The following ARHGAP15 variants were observed in gnomAD, a reference collection of about 807,000 sequenced individuals.
ARHGAP15 encodes the protein rho GTPase-activating protein 15.
A neutral mutation model predicts 63.7 loss-of-function variants in ARHGAP15; 51 were observed. The ratio of observed to expected loss-of-function variants is 0.80; its 90% CI spans 0.64 to 1.01. The LOEUF is 1.01. Among genes scored for constraint, ARHGAP15 ranks in the 50% least tolerant of loss-of-function variants. The probability of loss-of-function intolerance (pLI) is 0.00; values close to 1 mark genes in which losing one functional copy is unlikely to be tolerated. For synonymous variants in ARHGAP15, 191 were observed against 193.8 expected (o/e 0.99, Z 0.12); for missense variants, 560 against 564.6 (o/e 0.99, Z 0.08).
At chr2:143,274,179 C>G (rs758131242) in intron 6 of ARHGAP15, among the ~76,000 whole-genome samples, 5 of 152,102 alleles carry the variant, frequency 3.3e-5, no homozygotes, top group Non-Finnish European at 1.5e-5. Flanking sequence ...TTTGCAGCTT[C>G]GAGGAAAAGT....
rs144979120 is a variant in ARHGAP15 at position 143,246,470 on chromosome 2, G to A, written c.385-4041G>A. Among the ~76,000 whole-genome samples, 12 of 152,060 alleles carry A rather than the reference G, an allele frequency of 7.9e-5. No homozygotes were observed. In the East Asian group the frequency reaches 2.1e-3, roughly 27 times the overall value. ...TAAGGGTTGAAGCTTTCAGAGAGCA[G>A]TGGCAAGAGGAAGAAGAGAAAGTGA... is the stretch of plus-strand genomic sequence containing the variant. On this transcript the variant is annotated intron_variant, in intron 5 of 13. Transcript: ENST00000295095.
At chr2:143,498,681 C>G (rs534887566) in intron 9 of ARHGAP15, among the ~76,000 whole-genome samples, 114 of 152,216 alleles carry the variant, frequency 7.5e-4, no homozygotes, top group African/African-American at 2.6e-3. Flanking sequence ...CTCCCACCCC[C>G]CAAAATTTGG....
Position 143,471,657 on chromosome 2 carries a change from A to G in ARHGAP15, c.704-15716A>G, listed in dbSNP as rs1281953977. ...GGAAGTGAGGTATGTTACCATGTGGATGTCTAAGAAAAGAATGTTCAGGTC... is the reference window on the plus strand; with the variant it reads ...GGAAGTGAGGTATGTTACCATGTGGGTGTCTAAGAAAAGAATGTTCAGGTC... On this transcript the variant is annotated intron_variant, in intron 8 of 13. Transcript: ENST00000295095. 2.6e-5 allele frequency among the ~76,000 whole-genome samples: 4 copies of G among 152,108 alleles called. No homozygotes were observed. In the East Asian group the frequency reaches 7.7e-4, roughly 29 times the overall value.
chr2:143,253,113 T>C (rs1221234658), intron 6 of ARHGAP15, among the ~76,000 whole-genome samples: 1 of 152,064 alleles, frequency 6.6e-6, no homozygotes, highest in Non-Finnish European at 1.5e-5. Context: ...CTATGAATTA[T>C]AGATTACAGA....
At chr2:143,339,169 TG>T (rs1684942108) in intron 6 of ARHGAP15, among the ~76,000 whole-genome samples, 1 of 152,170 alleles carries the variant, frequency 6.6e-6, no homozygotes, top group African/African-American at 2.4e-5. Context: ...CTGTTGTTTT[TG>T]TTGCTGTGGT....
At chr2:143,561,944 A>G (rs1008795532) in intron 11 of ARHGAP15, among the ~76,000 whole-genome samples, 2 of 152,224 alleles carry the variant, frequency 1.3e-5, no homozygotes, top group East Asian at 3.8e-4. Context: ...GTTTGTGAGC[A>G]CACACACGCA....
chr2:143,694,588 A>C (rs1041330364), intron 12 of ARHGAP15, among the ~76,000 whole-genome samples: 1 of 152,244 alleles, frequency 6.6e-6, no homozygotes, highest in African/African-American at 2.4e-5. Flanking sequence ...AATGCTGACT[A>C]AAGTTGCCAC....
At chr2:143,375,024 A>T (rs1293969412) in intron 6 of ARHGAP15, among the ~76,000 whole-genome samples, 1 of 152,250 alleles carries the variant, frequency 6.6e-6, no homozygotes, top group Non-Finnish European at 1.5e-5. Flanking sequence ...GTAAAATAAA[A>T]CAATGAAAAA....
At chr2:143,471,085 T>C (rs1691529948) in intron 8 of ARHGAP15, among the ~76,000 whole-genome samples, 1 of 149,464 alleles carries the variant, frequency 6.7e-6, no homozygotes, top group Non-Finnish European at 1.5e-5. Context: ...CATGTATAAA[T>C]GTATATGATA....
chr2:143,632,068 G>A (rs1205188179), intron 12 of ARHGAP15, among the ~76,000 whole-genome samples: 1 of 152,020 alleles, frequency 6.6e-6, no homozygotes, highest in Non-Finnish European at 1.5e-5. Context: ...AGAATATGAT[G>A]GTTTGATACA....
chr2:143,655,134 A>AT (rs1681368766), intron 12 of ARHGAP15, among the ~76,000 whole-genome samples: 1 of 152,122 alleles, frequency 6.6e-6, no homozygotes, highest in Non-Finnish European at 1.5e-5. Flanking sequence ...CTGGGGCAGC[A>AT]TTTTTTCCCA....
At chr2:143,687,774 A>G (rs1683415125) in intron 12 of ARHGAP15, among the ~76,000 whole-genome samples, 1 of 152,226 alleles carries the variant, frequency 6.6e-6, no homozygotes, top group Non-Finnish European at 1.5e-5. Context: ...TATCAAAATA[A>G]CACAAACTCA....
chr2:143,640,025 T>C (rs896636508), intron 12 of ARHGAP15, among the ~76,000 whole-genome samples: 2 of 152,134 alleles, frequency 1.3e-5, no homozygotes, highest in African/African-American at 2.4e-5. Flanking sequence ...TGGCAATTAA[T>C]TGTAAATTTT....
rs1694985700 is a variant in ARHGAP15 at position 143,540,281 on chromosome 2, C to CAT, written c.926-16127_926-16126insAT. ...TTTTGAGCCTATATGTGTGTCTGCA[C>CAT]GTGATGGGTTTCCTGAATACAGCAC... On this transcript the variant is annotated intron_variant, in intron 10 of 13. Coordinates refer to ENST00000295095, the MANE Select transcript of ARHGAP15 (RefSeq NM_018460.4). 3.9e-5 allele frequency among the ~76,000 whole-genome samples: 6 copies of CAT among 152,166 alleles called. No individual in the cohort carries two copies. In the South Asian group the frequency reaches 1.2e-3, roughly 32 times the overall value.
At chr2:143,702,593 C>T (rs1684139751) in intron 12 of ARHGAP15, among the ~76,000 whole-genome samples, 2 of 152,160 alleles carry the variant, frequency 1.3e-5, no homozygotes, top group African/African-American at 2.4e-5. Context: ...TTAACACTCA[C>T]ACAAACTTAA....
At chr2:143,523,654 A>T (rs1408582083) in intron 10 of ARHGAP15, among the ~76,000 whole-genome samples, 2 of 152,066 alleles carry the variant, frequency 1.3e-5, no homozygotes, top group Non-Finnish European at 2.9e-5. Context: ...TGGATCCAAA[A>T]TTTTTTTGGT....
At chr2:143,395,046 A>T (rs1687700129) in intron 6 of ARHGAP15, among the ~76,000 whole-genome samples, 1 of 152,182 alleles carries the variant, frequency 6.6e-6, no homozygotes, top group Non-Finnish European at 1.5e-5. Context: ...CTACTACCAC[A>T]TTTAGCAACC....
chr2:143,145,833 T>C (rs1689559310), intron 1 of ARHGAP15, among the ~76,000 whole-genome samples: 1 of 128,030 alleles, frequency 7.8e-6, no homozygotes, highest in Non-Finnish European at 1.6e-5. Context: ...TTTATATATG[T>C]ATAGGGGTGT....
Position 143,768,324 on chromosome 2 carries a change from C to A in ARHGAP15, c.*152C>A. ...TAATGATGATTTTGTGTTTAAGTTC[C>A]AAACATTTGAATAAAATAATTGACA... On this transcript the variant is annotated 3_prime_UTR_variant, in exon 14 of 14. Transcript: ENST00000295095. 1 of 737,138 alleles carries A rather than the reference C, an allele frequency of 1.4e-6. No homozygotes were observed. The highest frequency in any genetic ancestry group is 2.2e-6 in the Non-Finnish European group (1 of 457,652). 45.7% of individuals were successfully genotyped at this position (737,138 alleles called of 1,614,324 possible). A position where few individuals can be genotyped will look rare whatever the true frequency, so the allele number is the denominator to read the frequency against.
Sources: allele counts gnomAD v4.1 joint callset (sites outside exome capture counted in the v4.1 genomes callset), GRCh38; gene constraint gnomAD v4.1.1; transcripts MANE v1.5; gene names NCBI Gene and HGNC (gene_info 2026-07-23, HGNC 2026-07-21).